The following CLCNKB variants were observed in gnomAD, a reference collection of about 807,000 sequenced individuals.
The protein encoded by CLCNKB is chloride voltage-gated channel Kb.
Under a neutral mutation model 83.8 loss-of-function variants are expected in CLCNKB, and 74 were observed. The ratio of observed to expected loss-of-function variants is 0.88; its 90% CI spans 0.73 to 1.07. CLCNKB has a LOEUF of 1.07. Among genes scored for constraint, CLCNKB ranks in the 50% least tolerant of loss-of-function variants. CLCNKB has a pLI of 0.00. For synonymous variants in CLCNKB, 358 were observed against 356.6 expected (o/e 1.00, Z -0.04); for missense variants, 798 against 893.6 (o/e 0.89, Z 1.36).
At chr1:16,051,082 T>C (rs753799104) in intron 12 of CLCNKB, 34 bp downstream of exon 12, 40 of 1,611,236 alleles carry the variant, frequency 2.5e-5, no homozygotes, top group African/African-American at 2.3e-4. Flanking sequence ...TGCACAGAGC[T>C]GGGACCAGCT....
intron 14 of CLCNKB, 27 bp downstream of exon 14, chr1:16,051,847 G>A: frequency 6.4e-7 from 1 of 1,567,950 alleles, no homozygotes; most frequent in Non-Finnish European, 8.8e-7. Flanking sequence ...CCTGCTGCGT[G>A]GGCAATGTCG....
In CLCNKB at chr1:16,045,781, G is replaced by T. The variant is rs541359125; in HGVS notation, c.229+95G>T. 174 of 1,285,704 alleles carry T rather than the reference G, an allele frequency of 1.4e-4. 2 individuals carry two copies. In the South Asian group the frequency reaches 1.4e-3, roughly 10 times the overall value. The allele number at this position is 1,285,704 out of a possible 1,614,324, so 79.6% of individuals were successfully genotyped here. ...ATGTCGCCAGGTGCAGCGGAGGTTGGGGGGGGTGCTCTGGGTGGGGATCTG... is the reference window on the plus strand; with the variant it reads ...ATGTCGCCAGGTGCAGCGGAGGTTGTGGGGGGTGCTCTGGGTGGGGATCTG... On this transcript the variant is annotated intron_variant, in intron 3 of 19. Transcript: ENST00000375679.
rs121909134 is a variant in CLCNKB at position 16,050,593 on chromosome 1, C to A, written c.1046C>A (p.Ala349Asp). ...CCACCCAGCGCCGGCCGCTTCCTAG[C>A]TTCTCGGGTAAGGGGCCTTGAGTGG... ...TYPPSAGRFL[A>D]SRLSMKQHLD... The change falls in exon 11 of 20, where the codon GCT (alanine) becomes GAT (aspartate). Residue 349 changes from alanine (A) to aspartate (D), a missense_variant. Coordinates refer to ENST00000375679, the MANE Select transcript of CLCNKB (RefSeq NM_000085.5). 23 of 1,613,892 alleles carry A rather than the reference C, an allele frequency of 1.4e-5. No individual in the cohort carries two copies. Among genetic ancestry groups the A allele is most frequent in the Non-Finnish European group, 1.9e-5 (23 of 1,179,950 alleles).
chr1:16,052,502 G>C, intron 15 of CLCNKB, 91 bp downstream of exon 15: 1 of 1,470,900 alleles, frequency 6.8e-7, no homozygotes, highest in Non-Finnish European at 9.4e-7. Context: ...AAACGCCACC[G>C]TAGCTGACCT....
At position 16,046,628 on chromosome 1, in the gene CLCNKB, C is replaced by T. The variant is rs776654219; in HGVS notation, c.323C>T (p.Ser108Leu). 10 of 1,614,140 alleles carry T rather than the reference C, an allele frequency of 6.2e-6. No individual in the cohort carries two copies. Among genetic ancestry groups the T allele is most frequent in the South Asian group, 2.2e-5 (2 of 91,082 alleles). The change falls in exon 4 of 20, where the codon TCA (serine) becomes TTA (leucine). Residue 108 changes from serine (S) to leucine (L), a missense_variant. Transcript: ENST00000375679. ...VYPVALVSFS[S>L]GFSQSITPSS... is the part of the protein sequence containing the mutation. ...CCTGTGGCCCTCGTCTCTTTCTCTT[C>T]AGGCTTCTCTCAGAGCATCACACCC...
chr1:16,054,139 G>A (rs61769867), intron 16 of CLCNKB, among the ~76,000 whole-genome samples: 32,380 of 152,116 alleles, frequency 0.21, 4,510 homozygotes, highest in South Asian at 0.35. Flanking sequence ...TTGCCACAAG[G>A]AAAACATCTC....
In CLCNKB at chr1:16,044,470, C is replaced by G. The variant is rs781680908; in HGVS notation, c.-7-16C>G. On this transcript the variant is annotated splice_polypyrimidine_tract_variant and intron_variant, in intron 1 of 19. Coordinates refer to ENST00000375679, the MANE Select transcript of CLCNKB (RefSeq NM_000085.5). The stretch of plus-strand genomic sequence containing the variant: ...CAGCAGCTCACCGCGGTCCCTCCCT[C>G]TATCCGCTTCTCCAGGGGCCTGATG... 6.3e-7 allele frequency: 1 copy of G among 1,584,352 alleles called. No individual in the cohort carries two copies. The highest frequency in any genetic ancestry group is 2.3e-5 in the East Asian group (1 of 43,902).
chr1:16,055,578 G>C, intron 17 of CLCNKB, 55 bp downstream of exon 17: 1 of 1,550,184 alleles, frequency 6.5e-7, no homozygotes. Flanking sequence ...GCAGGAATGG[G>C]AGGAGAGGGG....
chr1:16,049,839 C>T lies in CLCNKB; in HGVS notation c.891C>T (p.Ser297=), dbSNP rs565165729. 41 of 1,613,704 alleles carry T rather than the reference C, an allele frequency of 2.5e-5. No individual in the cohort carries two copies. Among genetic ancestry groups the T allele is most frequent in the Non-Finnish European group, 3.1e-5 (36 of 1,179,896 alleles). The change falls in exon 10 of 20, where the codon AGC becomes AGT. Residue 297 remains serine, a synonymous_variant. Transcript: ENST00000375679. ...ALGGLCGILG[S]AYLFCQRIFF... The stretch of plus-strand genomic sequence containing the variant: ...GGGGTCTCTGTGGCATCCTGGGCAG[C>T]GCTTACCTCTTCTGTCAGCGAATCT...
chr1:16,047,525 C>T (rs1348345974), intron 4 of CLCNKB, among the ~76,000 whole-genome samples: 1 of 152,108 alleles, frequency 6.6e-6, no homozygotes, highest in African/African-American at 2.4e-5. Context: ...CCTATAATCC[C>T]AGCACTTTGG....
intron 3 of CLCNKB, 53 bp from the exon 4 acceptor site, chr1:16,046,482 C>T (rs1436019742): frequency 2.1e-5 from 34 of 1,609,970 alleles, no homozygotes; most frequent in Non-Finnish European, 2.6e-5. Context: ...CAGCGTCTGG[C>T]CCCGAGGGCT....
chr1:16,054,404 C>A (rs896503835), intron 16 of CLCNKB, among the ~76,000 whole-genome samples: 1 of 152,204 alleles, frequency 6.6e-6, no homozygotes, highest in Non-Finnish European at 1.5e-5. Flanking sequence ...TTTGGGCAGG[C>A]ACCTTGTGCA....
chr1:16,055,548 G>GT, intron 17 of CLCNKB, 25 bp downstream of exon 17: 22 of 1,007,444 alleles, frequency 2.2e-5, no homozygotes, highest in Non-Finnish European at 3.3e-5. Context: ...GGGGCATGGG[G>GT]ATGGGGCGGG....
At chr1:16,045,443 C>A in intron 2 of CLCNKB, 115 bp from the exon 3 acceptor site, 1 of 1,317,336 alleles carries the variant, frequency 7.6e-7, no homozygotes, top group Non-Finnish European at 1.1e-6. Flanking sequence ...GAGTATACCA[C>A]CAAGCTCCAT....
Position 16,052,425 on chromosome 1 carries a change from A to T in CLCNKB, c.1622+14A>T, listed in dbSNP as rs754599766. 4.5e-5 allele frequency: 73 copies of T among 1,611,928 alleles called. No homozygotes were observed. The South Asian group carries it at 7.0e-4, about 16-fold the overall frequency. ...CCGCAACATCGGGTGAGTGGTGCCC[A>T]CCTCAGGCTGACTGAAGGGGGTCAC... is the stretch of plus-strand genomic sequence containing the variant. On this transcript the variant is annotated intron_variant, in intron 15 of 19. Coordinates refer to ENST00000375679, the MANE Select transcript of CLCNKB (RefSeq NM_000085.5).
At chr1:16,048,261 T>A (rs1404090289) in intron 5 of CLCNKB, 82 bp from the exon 6 acceptor site, 3 of 1,546,716 alleles carry the variant, frequency 1.9e-6, no homozygotes, top group Non-Finnish European at 2.7e-6. Context: ...GGAGGGGGTG[T>A]TGGGGGGAAG....
intron 16 of CLCNKB, among the ~76,000 whole-genome samples, chr1:16,053,977 A>G (rs2023370728): frequency 6.6e-6 from 1 of 152,134 alleles, no homozygotes. Context: ...GGTGGTTGAC[A>G]TGTCTAAAGA....
At chr1:16,054,704 C>T (rs79764495) in intron 16 of CLCNKB, among the ~76,000 whole-genome samples, 1 of 152,112 alleles carries the variant, frequency 6.6e-6, no homozygotes, top group Non-Finnish European at 1.5e-5. Flanking sequence ...AGAGCCTTCA[C>T]TTCCTGGATC....
rs370441247 is a variant in CLCNKB, at chr1:16,052,025, C to A, written c.1409-173C>A. Among the ~76,000 whole-genome samples the A allele has an allele frequency of 5.1e-3, 774 of 152,262 alleles. 7 individuals are homozygous for A. Among genetic ancestry groups the A allele is most frequent in the African/African-American group, 0.018 (743 of 41,522 alleles). On this transcript the variant is annotated intron_variant, in intron 14 of 19. Transcript: ENST00000375679. ...GTGGCTCCTGTCCCCAGCCCTGCGG[C>A]CTCCCTTATCCCTCTCCTCTCACCA...
Sources: gnomAD v4.1 joint callset for allele counts (sites outside exome capture counted in the v4.1 genomes callset) on GRCh38, gnomAD v4.1.1 for gene constraint, MANE v1.5 for transcripts, NCBI Gene and HGNC (gene_info 2026-07-23, HGNC 2026-07-21) for gene names.